KYNU: variants seen among roughly 807,000 people sequenced by gnomAD.
KYNU encodes the protein kynureninase.
Under a neutral mutation model 59.2 loss-of-function variants are expected in KYNU, and 54 were observed. The ratio of observed to expected loss-of-function variants is 0.91; its 90% CI spans 0.73 to 1.14. The LOEUF (loss-of-function observed/expected upper bound fraction) is 1.14. Among genes scored for constraint, KYNU ranks in the 50% most tolerant of loss-of-function variants. KYNU has a pLI of 0.00. For synonymous variants in KYNU, 177 were observed against 192.0 expected (o/e 0.92, Z 0.65); for missense variants, 567 against 554.4 (o/e 1.02, Z -0.23).
At chr2:142,895,068 G>A (rs1681822765) in intron 2 of KYNU, among the ~76,000 whole-genome samples, 1 of 152,142 alleles carries the variant, frequency 6.6e-6, no homozygotes, top group Non-Finnish European at 1.5e-5. Context: ...TTGGTAGAAT[G>A]TTCTCTTTCC....
chr2:142,926,598 T>A (rs1026941566), intron 3 of KYNU, among the ~76,000 whole-genome samples: 1 of 152,170 alleles, frequency 6.6e-6, no homozygotes. Flanking sequence ...GAGTTCCAGT[T>A]GCGGAGATGC....
intron 10 of KYNU, among the ~76,000 whole-genome samples, chr2:143,029,222 G>A (rs1394605535): frequency 6.6e-6 from 1 of 152,000 alleles, no homozygotes; most frequent in Non-Finnish European, 1.5e-5. Context: ...AGTATTTGAT[G>A]ACTTATATTA....
At chr2:142,964,878 T>A (rs1157991567) in intron 8 of KYNU, 5 of 152,188 alleles carry the variant, frequency 3.3e-5, no homozygotes, top group African/African-American at 1.2e-4. Context: ...AAGGCCAGCA[T>A]GTGGCAAGAG....
At chr2:142,897,677 C>T (rs1381613640) in intron 2 of KYNU, among the ~76,000 whole-genome samples, 1 of 152,022 alleles carries the variant, frequency 6.6e-6, no homozygotes, top group Non-Finnish European at 1.5e-5. Flanking sequence ...ATGTGCTTTT[C>T]TTCTTTTTCC....
chr2:143,024,230 G>A (rs1358496069), intron 10 of KYNU, among the ~76,000 whole-genome samples: 2 of 151,860 alleles, frequency 1.3e-5, no homozygotes, highest in Non-Finnish European at 3.0e-5. Flanking sequence ...TGGATAGTGA[G>A]TAAAACTATG....
At chr2:142,960,384 G>A (rs1292398287) in intron 7 of KYNU, among the ~76,000 whole-genome samples, 1 of 151,972 alleles carries the variant, frequency 6.6e-6, no homozygotes, top group Non-Finnish European at 1.5e-5. Flanking sequence ...AATAAATCAA[G>A]CAATTCGGCT....
chr2:142,912,532 A>T (rs891144139), intron 2 of KYNU, among the ~76,000 whole-genome samples: 1 of 150,930 alleles, frequency 6.6e-6, no homozygotes, highest in African/African-American at 2.4e-5. Flanking sequence ...GGCATGTGCC[A>T]CCGCACCCAG....
chr2:142,910,175 C>A (rs1221826705), intron 2 of KYNU, among the ~76,000 whole-genome samples: 1 of 128,712 alleles, frequency 7.8e-6, no homozygotes, highest in African/African-American at 3.0e-5. Context: ...CTTGCTCTGT[C>A]CCCCAGGCTG....
At chr2:142,977,546 T>C (rs1344952436) in intron 8 of KYNU, among the ~76,000 whole-genome samples, 6 of 152,058 alleles carry the variant, frequency 3.9e-5, no homozygotes, top group African/African-American at 9.7e-5. Flanking sequence ...GAAGCTCCAC[T>C]TGAAGATTGT....
chr2:143,022,142 G>A (rs561166588), intron 10 of KYNU, among the ~76,000 whole-genome samples: 218 of 152,040 alleles, frequency 1.4e-3, no homozygotes, highest in African/African-American at 4.9e-3. Flanking sequence ...AAATTACTTC[G>A]GTGTTGCTAA....
At chr2:142,955,017 C>T (rs2105084440) in intron 5 of KYNU, 146 bp downstream of exon 5, 1 of 630,004 alleles carries the variant, frequency 1.6e-6, no homozygotes, top group Non-Finnish European at 2.9e-6. Context: ...AAATGCTGGA[C>T]CATGATATAA....
intron 10 of KYNU, among the ~76,000 whole-genome samples, chr2:142,998,516 AG>A (rs1011147703): frequency 1.3e-5 from 2 of 152,150 alleles, no homozygotes; most frequent in Non-Finnish European, 2.9e-5. Flanking sequence ...GCTTTTTAAA[AG>A]GTTTTAAACA....
intron 2 of KYNU, among the ~76,000 whole-genome samples, chr2:142,890,919 G>A (rs1681690734): frequency 1.3e-5 from 2 of 152,098 alleles, no homozygotes; most frequent in South Asian, 2.1e-4. Context: ...GTCTTAAGTT[G>A]CTCATAATGT....
chr2:142,952,304 G>A (rs1684017815), intron 4 of KYNU, among the ~76,000 whole-genome samples: 1 of 152,106 alleles, frequency 6.6e-6, no homozygotes, highest in East Asian at 1.9e-4. Flanking sequence ...TTGAACTCCT[G>A]AGCTCAAACC....
At chr2:142,992,721 T>C (rs1472560456) in intron 10 of KYNU, among the ~76,000 whole-genome samples, 1 of 152,004 alleles carries the variant, frequency 6.6e-6, no homozygotes, top group Admixed American at 6.6e-5. Context: ...TAAGGTAATC[T>C]TCACTTTCTC....
intron 10 of KYNU, among the ~76,000 whole-genome samples, chr2:142,989,106 C>T (rs143590880): frequency 2.8e-4 from 42 of 151,932 alleles, no homozygotes; most frequent in African/African-American, 9.6e-4. Flanking sequence ...TCAGATGTTA[C>T]GACAATGTTC....
intron 2 of KYNU, among the ~76,000 whole-genome samples, chr2:142,913,082 C>G (rs6429995): frequency 0.16 from 24,306 of 152,018 alleles, 3,133 homozygotes; most frequent in African/African-American, 0.35. Context: ...TATTTGAATC[C>G]TCTGTTTTTT....
chr2:142,922,184 A>T (rs1682904710), intron 3 of KYNU, among the ~76,000 whole-genome samples: 1 of 152,184 alleles, frequency 6.6e-6, no homozygotes, highest in Non-Finnish European at 1.5e-5. Flanking sequence ...GTAGTTGCTT[A>T]GTTGAAAAAG....
chr2:143,022,394 G>A (rs918071603), intron 10 of KYNU, among the ~76,000 whole-genome samples: 5 of 151,868 alleles, frequency 3.3e-5, no homozygotes, highest in Non-Finnish European at 7.4e-5. Flanking sequence ...ATAATGTGTT[G>A]TTTAATATGC....
Sources: allele counts gnomAD v4.1 joint callset (sites outside exome capture counted in the v4.1 genomes callset), GRCh38; gene constraint gnomAD v4.1.1; transcripts MANE v1.5; gene names NCBI Gene and HGNC (gene_info 2026-07-23, HGNC 2026-07-21).